DYNC1H1: variants seen among roughly 807,000 people sequenced by gnomAD.
DYNC1H1 encodes the protein cytoplasmic dynein 1 heavy chain 1.
In DYNC1H1, 51 loss-of-function variants were observed where a neutral mutation model predicts 527.1. The observed-to-expected ratio is 0.10, with a 90% CI of 0.08 to 0.12. The LOEUF (loss-of-function observed/expected upper bound fraction) is 0.12, where lower values mean the gene tolerates loss of function less well. Among genes scored for constraint, DYNC1H1 ranks in the 10% least tolerant of loss-of-function variants. The pLI, the probability that DYNC1H1 is intolerant of heterozygous loss-of-function variation, is 1.00. For synonymous variants in DYNC1H1, 2,189 were observed against 2,278.8 expected, an observed-to-expected ratio of 0.96 and a Z score of 1.12; for missense variants, 2,771 against 5,971.8, an observed-to-expected ratio of 0.46 and a Z score of 17.66.
chr14:102,005,069 A>T lies in DYNC1H1; in HGVS notation c.5266A>T (p.Ile1756Leu). The T allele has an allele frequency of 6.2e-7, 1 of 1,614,208 alleles. No individual in the cohort carries two copies. The highest frequency in any genetic ancestry group is 8.5e-7 in the Non-Finnish European group (1 of 1,180,044). The part of the protein sequence containing the change: ...QAQLVVLSAQ[I>L]AWSENVETAL... The stretch of plus-strand genomic sequence containing the variant: ...CCAGCTTGTGGTTTTGTCAGCCCAG[A>T]TAGCCTGGTCTGAGAACGTGGAGAC... Residue 1756 changes from isoleucine (I) to leucine (L), a missense_variant, in exon 26 of 78, where the codon ATA becomes TTA. Physicochemically the swap from Ile to Leu is conservative, Grantham distance 5. This residue lies in a region of DYNC1H1 where 105 missense variants were observed against 138.1 expected (regional missense o/e 0.76). Transcript: ENST00000360184. The surrounding 1 kb of genome is among the most constrained non-coding windows in gnomAD (Gnocchi z 4.0).
chr14:101,983,510 T>G lies in DYNC1H1; in HGVS notation c.1362T>G (p.Pro454=). The G allele has an allele frequency of 6.2e-7, 1 of 1,614,148 alleles. No homozygotes were observed. Among genetic ancestry groups the G allele is most frequent in the Non-Finnish European group, 8.5e-7 (1 of 1,180,022 alleles). ...TGAAGATGGTGTGGCGTATCAACCC[T>G]GCCCACAGGAAGCTGCAGGCCCGCC... ...ENLKMVWRIN[P]AHRKLQARLD... Residue 454 remains proline (P), a synonymous_variant, in exon 7 of 78, where the codon CCT becomes CCG. Coordinates refer to ENST00000360184, the MANE Select transcript of DYNC1H1 (RefSeq NM_001376.5). This position sits in a 1 kb window ranked among gnomAD's most constrained non-coding sequence, Gnocchi z 5.3.
Position 102,036,839 on chromosome 14 carries a change from C to T in DYNC1H1, c.10908+197C>T, listed in dbSNP as rs1048541381. ...TCTATTCAGTGGTCGGGCGAGGTGG[C>T]TCACACCTGTAATCTCAGCACTTTG... On this transcript the variant is annotated intron_variant, in intron 57 of 77. Transcript: ENST00000360184. This position sits in a 1 kb window ranked among gnomAD's most constrained non-coding sequence, Gnocchi z 5.6. 9.0e-6 allele frequency: 6 copies of T among 665,010 alleles called. No homozygotes were observed. The East Asian group carries it at 1.1e-4, about 12-fold the overall frequency. 41.2% of individuals were successfully genotyped at this position (665,010 alleles called of 1,614,324 possible). A position where few individuals can be genotyped will look rare whatever the true frequency, so the allele number is the denominator to read the frequency against.
At chr14:101,999,935 C>G in intron 16 of DYNC1H1, 54 bp from the exon 17 acceptor site, 1 of 1,613,058 alleles carries the variant, frequency 6.2e-7, no homozygotes, top group Non-Finnish European at 8.5e-7. Context: ...AGCCTAAATG[C>G]TCATCTCTCC....
rs200224597 is a variant in DYNC1H1, at chr14:102,050,534, C to T, written c.13912C>T (p.Arg4638Trp). 6.2e-6 allele frequency: 10 copies of T among 1,614,192 alleles called. No homozygotes were observed. The highest frequency in any genetic ancestry group is 3.3e-5 in the South Asian group (3 of 91,076). The change falls in exon 78 of 78, where the codon CGG becomes TGG. Residue 4638 changes from arginine (R) to tryptophan (W), a missense_variant. Physicochemically the swap from Arg to Trp is moderately radical, Grantham distance 101. Around this residue, in one of 32 missense-constraint regions of DYNC1H1, gnomAD observed 106 missense variants for 139.2 expected, o/e 0.76. Coordinates refer to ENST00000360184, the MANE Select transcript of DYNC1H1 (RefSeq NM_001376.5). The part of the protein sequence containing the change: ...TKEDPRSFYE[R>W]GVAVLCTE ...GGAGGATCCTCGCAGCTTCTACGAG[C>T]GGGGTGTCGCAGTCTTGTGCACAGA... is the stretch of plus-strand genomic sequence containing the variant.
At position 102,050,122 on chromosome 14, in the gene DYNC1H1, A is replaced by G. The variant is rs1391180102; in HGVS notation, c.13736A>G (p.Asn4579Ser). The G allele has an allele frequency of 2.5e-6, 4 of 1,613,998 alleles. No homozygotes were observed. Among genetic ancestry groups the G allele is most frequent in the Admixed American group, 1.7e-5 (1 of 60,006 alleles). ...AACAACAACAAGCTGTCACTGTCCAATGCCATCTCAACCGCCCTTCCCCTG... is the reference window on the plus strand; with the variant it reads ...AACAACAACAAGCTGTCACTGTCCAGTGCCATCTCAACCGCCCTTCCCCTG... ...TCNNNKLSLS[N>S]AISTALPLTQ... The change falls in exon 77 of 78, where the codon AAT becomes AGT. Residue 4579 changes from asparagine (N) to serine (S), a missense_variant. This residue lies in a region of DYNC1H1 where 106 missense variants were observed against 139.2 expected (regional missense o/e 0.76). Transcript: ENST00000360184.
rs1370958664 is a variant in DYNC1H1 at position 102,050,584 on chromosome 14, C to T, written c.*21C>T. 1 of 1,614,002 alleles carries T rather than the reference C, an allele frequency of 6.2e-7. No individual in the cohort carries two copies. Among genetic ancestry groups the T allele is most frequent in the East Asian group, 2.2e-5 (1 of 44,898 alleles). ...AGTAAACTTTTCTAGCTGCCCCTTT[C>T]TGTAATAGTGAAAGTTGGTATTTAA... On this transcript the variant is annotated 3_prime_UTR_variant, in exon 78 of 78. Coordinates refer to ENST00000360184, the MANE Select transcript of DYNC1H1 (RefSeq NM_001376.5).
In DYNC1H1 at chr14:101,983,672, G is replaced by GT. The variant is rs368383689; in HGVS notation, c.1461+73dup. ...GTTTTTGTTTTGTTTTTTGTTTGGT[G>GT]TTTTTTTTTTGTTGTTGTTGTTGAG... On this transcript the variant is annotated intron_variant, in intron 7 of 77. Transcript: ENST00000360184. The surrounding 1 kb of genome is among the most constrained non-coding windows in gnomAD (Gnocchi z 5.3). The GT allele has an allele frequency of 0.023, 28,447 of 1,232,588 alleles. 66 individuals are homozygous for GT. Among genetic ancestry groups the GT allele is most frequent in the African/African-American group, 0.056 (3,399 of 60,884 alleles). The allele number at this position is 1,232,588 out of a possible 1,614,324, so 76.4% of individuals were successfully genotyped here. A position where few individuals can be genotyped will look rare whatever the true frequency, so the allele number is the denominator to read the frequency against.
intron 2 of DYNC1H1, among the ~76,000 whole-genome samples, chr14:101,977,411 T>C (rs2047814045): frequency 6.6e-6 from 1 of 152,244 alleles, no homozygotes; most frequent in Non-Finnish European, 1.5e-5. Context: ...ATTATCATTT[T>C]TCCCCTGAAT....
At chr14:102,047,761 G>T in intron 72 of DYNC1H1, 56 bp from the exon 73 acceptor site, 1 of 1,606,260 alleles carries the variant, frequency 6.2e-7, no homozygotes. Flanking sequence ...TTCCCTCTGT[G>T]ATTTCTTGCC....
At chr14:101,970,529 C>A (rs1163650085) in intron 1 of DYNC1H1, among the ~76,000 whole-genome samples, 1 of 126,344 alleles carries the variant, frequency 7.9e-6, no homozygotes, top group African/African-American at 3.1e-5. Context: ...GTCACCCAGG[C>A]TGGAGTGCAG....
In DYNC1H1 at chr14:102,016,725, C is replaced by A; in HGVS notation, c.7615-41C>A. On this transcript the variant is annotated intron_variant, in intron 37 of 77. Coordinates refer to ENST00000360184, the MANE Select transcript of DYNC1H1 (RefSeq NM_001376.5). The surrounding 1 kb of genome is among the most constrained non-coding windows in gnomAD (Gnocchi z 7.3). ...GTAAACAAACCTCGTGAGGAGGCAC[C>A]TTGGTTGCAGCCGGACTCACACTTC... The A allele has an allele frequency of 6.2e-7, 1 of 1,603,014 alleles. No homozygotes were observed. The highest frequency in any genetic ancestry group is 8.5e-7 in the Non-Finnish European group (1 of 1,174,798).
At position 102,001,394 on chromosome 14, in the gene DYNC1H1, C is replaced by A; in HGVS notation, c.4395+40C>A. The A allele has an allele frequency of 6.2e-7, 1 of 1,613,490 alleles. No individual in the cohort carries two copies. The highest frequency in any genetic ancestry group is 8.5e-7 in the Non-Finnish European group (1 of 1,179,602). On this transcript the variant is annotated intron_variant, in intron 20 of 77. Coordinates refer to ENST00000360184, the MANE Select transcript of DYNC1H1 (RefSeq NM_001376.5). This position sits in a 1 kb window ranked among gnomAD's most constrained non-coding sequence, Gnocchi z 5.0. ...TGAACGGCTGCTTTACGTTGTGTTT[C>A]GGGCTGTTACATAGATCTGAGCTAT... is the stretch of plus-strand genomic sequence containing the variant.
chr14:101,983,159 C>A lies in DYNC1H1; in HGVS notation c.1102C>A (p.Arg368=). Residue 368 remains arginine (R), a synonymous_variant, in exon 6 of 78, where the codon CGA becomes AGA. Coordinates refer to ENST00000360184, the MANE Select transcript of DYNC1H1 (RefSeq NM_001376.5). The surrounding 1 kb of genome is among the most constrained non-coding windows in gnomAD (Gnocchi z 5.3). ...CATTTTCACACATTTGAGAAAGATC[C>A]GAAACACAAAATATCCTATTCAGAG... The part of the protein sequence containing the change: ...VAIFTHLRKI[R]NTKYPIQRAL... 1 of 1,613,918 alleles carries A rather than the reference C, an allele frequency of 6.2e-7. No homozygotes were observed. Among genetic ancestry groups the A allele is most frequent in the Admixed American group, 1.7e-5 (1 of 59,978 alleles).
chr14:101,969,099 G>T (rs752711788), intron 1 of DYNC1H1, among the ~76,000 whole-genome samples: 1 of 151,668 alleles, frequency 6.6e-6, no homozygotes, highest in Non-Finnish European at 1.5e-5. Flanking sequence ...CTCACTGAAA[G>T]CTCCGCCTCC....
intron 69 of DYNC1H1, chr14:102,043,017 C>A: frequency 2.1e-6 from 1 of 474,960 alleles, no homozygotes; most frequent in Non-Finnish European, 3.9e-6. Flanking sequence ...AGTGGTGGCT[C>A]ACGCCTGTAA....
At position 102,029,730 on chromosome 14, in the gene DYNC1H1, A is replaced by G. The variant is rs1397623317; in HGVS notation, c.9642+18A>G. On this transcript the variant is annotated intron_variant, in intron 49 of 77. Coordinates refer to ENST00000360184, the MANE Select transcript of DYNC1H1 (RefSeq NM_001376.5). This position sits in a 1 kb window ranked among gnomAD's most constrained non-coding sequence, Gnocchi z 5.3. ...TCGACCAGGTGCGTCACAGGCACAAATTCCTCACGGGAGTGAGCTGCAGTG... is the reference window on the plus strand; with the variant it reads ...TCGACCAGGTGCGTCACAGGCACAAGTTCCTCACGGGAGTGAGCTGCAGTG... 1 of 1,614,218 alleles carries G rather than the reference A, an allele frequency of 6.2e-7. No individual in the cohort carries two copies. Among genetic ancestry groups the G allele is most frequent in the Non-Finnish European group, 8.5e-7 (1 of 1,180,048 alleles).
chr14:102,043,283 CAAA>C (rs10673572), intron 69 of DYNC1H1: 425 of 117,876 alleles, frequency 3.6e-3, no homozygotes, highest in South Asian at 9.2e-3. Flanking sequence ...GACCCCGTCT[CAAA>C]AAAAAAAAAA....
In DYNC1H1 at chr14:102,054,444, A is replaced by G. The variant is rs1029704278; in HGVS notation, c.*3881A>G. The G allele has an allele frequency of 3.3e-5, 5 of 151,956 alleles. No homozygotes were observed. The highest frequency in any genetic ancestry group is 6.6e-5 in the Admixed American group (1 of 15,234). 9.4% of individuals were successfully genotyped at this position (151,956 alleles called of 1,614,324 possible). ...CCGAACCTTGTTTTCAAAGGTGCCC[A>G]TTGCCTGTTCTCAAAGCAATGCACC... On this transcript the variant is annotated 3_prime_UTR_variant, in exon 78 of 78. Transcript: ENST00000360184.
rs3830914 is a variant in DYNC1H1, at chr14:101,983,001, CTT to C, written c.962-16_962-15del. 1 of 1,613,252 alleles carries C rather than the reference CTT, an allele frequency of 6.2e-7. No homozygotes were observed. The highest frequency in any genetic ancestry group is 8.5e-7 in the Non-Finnish European group (1 of 1,179,610). On this transcript the variant is annotated splice_polypyrimidine_tract_variant and intron_variant, in intron 5 of 77. Coordinates refer to ENST00000360184, the MANE Select transcript of DYNC1H1 (RefSeq NM_001376.5). The surrounding 1 kb of genome is among the most constrained non-coding windows in gnomAD (Gnocchi z 5.3). ...TTACTTTATGTGAAAACCATTAACT[CTT>C]TCTCTGTTAATATAGGTCTAAAACA...
Sources: gnomAD v4.1 joint callset for allele counts (sites outside exome capture counted in the v4.1 genomes callset) on GRCh38, gnomAD v4.1.1 for gene constraint, gnomAD v4.1.1 regional missense constraint, Gnocchi (gnomAD v3.1) non-coding constraint, MANE v1.5 for transcripts, NCBI Gene and HGNC (gene_info 2026-07-23, HGNC 2026-07-21) for gene names.